The following PAFAH1B1 variants were observed in gnomAD, a reference collection of about 807,000 sequenced individuals.
PAFAH1B1 encodes the protein platelet activating factor acetylhydrolase 1b regulatory subunit 1.
Under a neutral mutation model 57.5 loss-of-function variants are expected in PAFAH1B1, and 2 were observed. That is an observed-to-expected ratio of 0.03 (90% CI 0.01 to 0.11). PAFAH1B1 has a LOEUF of 0.11. Among genes scored for constraint, PAFAH1B1 ranks in the 10% least tolerant of loss-of-function variants. PAFAH1B1 has a pLI of 1.00. For missense variants in PAFAH1B1, 257 were observed against 512.0 expected (o/e 0.50, Z 4.81); for synonymous variants, 152 against 169.6 (o/e 0.90, Z 0.81).
chr17:2,670,744 GT>G (rs2069170538), intron 6 of PAFAH1B1, among the ~76,000 whole-genome samples: 1 of 152,132 alleles, frequency 6.6e-6, no homozygotes, highest in Non-Finnish European at 1.5e-5. Flanking sequence ...CCATGCCCTC[GT>G]TCATTATTTC....
At chr17:2,677,254 C>G (rs1212484783) in intron 9 of PAFAH1B1, among the ~76,000 whole-genome samples, 1 of 152,204 alleles carries the variant, frequency 6.6e-6, no homozygotes, top group African/African-American at 2.4e-5. Context: ...CTCTGTTTCA[C>G]TTTATTTATA....
chr17:2,664,768 A>G (rs980214279), intron 2 of PAFAH1B1, among the ~76,000 whole-genome samples: 1 of 151,864 alleles, frequency 6.6e-6, no homozygotes, highest in African/African-American at 2.4e-5. Context: ...AAACTGTAGA[A>G]GGCAAACATG....
At chr17:2,646,887 A>G (rs1303478688) in intron 2 of PAFAH1B1, among the ~76,000 whole-genome samples, 2 of 152,140 alleles carry the variant, frequency 1.3e-5, no homozygotes, top group Non-Finnish European at 2.9e-5. Context: ...CGGGACATAA[A>G]GGTAGTAAAT....
intron 1 of PAFAH1B1, among the ~76,000 whole-genome samples, chr17:2,600,463 G>C (rs1167588578): frequency 6.6e-6 from 1 of 150,884 alleles, no homozygotes; most frequent in Admixed American, 6.6e-5. Context: ...CCAGCTACTT[G>C]GGAGGCTGAG....
chr17:2,615,595 C>T (rs1211910677), intron 1 of PAFAH1B1, among the ~76,000 whole-genome samples: 3 of 152,104 alleles, frequency 2.0e-5, no homozygotes, highest in South Asian at 2.1e-4. Flanking sequence ...GGCCTGCCAC[C>T]GCGCCTGGCT....
At chr17:2,644,312 C>T (rs1179374754) in intron 2 of PAFAH1B1, among the ~76,000 whole-genome samples, 3 of 152,002 alleles carry the variant, frequency 2.0e-5, no homozygotes, top group African/African-American at 4.8e-5. Context: ...GAGGCCGAGA[C>T]GGGTGCATGA....
chr17:2,632,387 A>T (rs1001251513), intron 1 of PAFAH1B1, among the ~76,000 whole-genome samples: 1 of 152,206 alleles, frequency 6.6e-6, no homozygotes, highest in Non-Finnish European at 1.5e-5. Context: ...TCTAGATCTA[A>T]ATTAAGTCTA....
At chr17:2,657,436 G>C (rs1567550469) in intron 2 of PAFAH1B1, among the ~76,000 whole-genome samples, 1 of 152,228 alleles carries the variant, frequency 6.6e-6, no homozygotes, top group Non-Finnish European at 1.5e-5. Flanking sequence ...TAGAGCTGAG[G>C]TTTCACCATG....
At chr17:2,604,446 G>T (rs1312305632) in intron 1 of PAFAH1B1, among the ~76,000 whole-genome samples, 1 of 151,536 alleles carries the variant, frequency 6.6e-6, no homozygotes, top group African/African-American at 2.4e-5. Context: ...TGTCATTTAG[G>T]CTATTTCAGG....
rs576900864 is a variant in PAFAH1B1 at position 2,635,760 on chromosome 17, G to T, written c.-190-2339G>T. 1.9e-3 allele frequency among the ~76,000 whole-genome samples: 293 copies of T among 151,882 alleles called. 3 individuals carry two copies. Among genetic ancestry groups the T allele is most frequent in the African/African-American group, 6.2e-3 (255 of 41,396 alleles). On this transcript the variant is annotated intron_variant, in intron 1 of 10. Transcript: ENST00000397195. ...CTGTAATATACATAATATAGTGGGGGTTTTTTTCTGATTAAAGCAGGGAGT... is the reference window on the plus strand; with the variant it reads ...CTGTAATATACATAATATAGTGGGGTTTTTTTTCTGATTAAAGCAGGGAGT...
intron 1 of PAFAH1B1, among the ~76,000 whole-genome samples, chr17:2,615,555 C>A (rs78539547): frequency 0.083 from 12,602 of 152,060 alleles, 1,391 homozygotes; most frequent in African/African-American, 0.25. Context: ...ATTCTCCTGC[C>A]TTAGCCTCCC....
chr17:2,618,358 A>ATG (rs1339144368), intron 1 of PAFAH1B1, among the ~76,000 whole-genome samples: 1 of 152,206 alleles, frequency 6.6e-6, no homozygotes, highest in Non-Finnish European at 1.5e-5. Flanking sequence ...CAAGAACATG[A>ATG]AGTTAATCTT....
intron 4 of PAFAH1B1, 143 bp downstream of exon 4, chr17:2,666,233 A>G (rs1484681764): frequency 2.4e-6 from 2 of 830,848 alleles, no homozygotes; most frequent in African/African-American, 1.7e-5. Flanking sequence ...CATGAAAAGT[A>G]TGACCTAGGC....
At chr17:2,595,478 A>C (rs965458986) in intron 1 of PAFAH1B1, among the ~76,000 whole-genome samples, 1 of 146,408 alleles carries the variant, frequency 6.8e-6, no homozygotes, top group Non-Finnish European at 1.5e-5. Flanking sequence ...GTCCAGTCTC[A>C]TAATCAGGAA....
intron 2 of PAFAH1B1, among the ~76,000 whole-genome samples, chr17:2,656,493 A>T (rs1417716821): frequency 6.6e-6 from 1 of 151,938 alleles, no homozygotes; most frequent in African/African-American, 2.4e-5. Context: ...GGACAAGTAA[A>T]TGATTCATCA....
rs745345800 is a variant in PAFAH1B1 at position 2,666,001 on chromosome 17, A to T, written c.118-15A>T. The T allele has an allele frequency of 2.7e-6, 4 of 1,474,744 alleles. No individual in the cohort carries two copies. In the South Asian group the frequency reaches 4.9e-5, roughly 18 times the overall value. 91.4% of individuals were successfully genotyped at this position (1,474,744 alleles called of 1,614,324 possible). A position where few individuals can be genotyped will look rare whatever the true frequency, so the allele number is the denominator to read the frequency against. On this transcript the variant is annotated splice_polypyrimidine_tract_variant and intron_variant, in intron 3 of 10. Transcript: ENST00000397195. The stretch of plus-strand genomic sequence containing the variant: ...TTAAGCCATTTTTTAAAAATTCTAA[A>T]TTTATTTTCTCTAGAATGAAGAATT...
chr17:2,624,298 C>T lies in PAFAH1B1; in HGVS notation c.-190-13801C>T, dbSNP rs1418069560. ...TGAGCCCTCCAAACTGTTCCAAACT[C>T]TGCCTGTTACCCACTTCCAAAGTCA... On this transcript the variant is annotated intron_variant, in intron 1 of 10. Coordinates refer to ENST00000397195, the MANE Select transcript of PAFAH1B1 (RefSeq NM_000430.4). Among the ~76,000 whole-genome samples, 5 of 152,330 alleles carry T rather than the reference C, an allele frequency of 3.3e-5. No individual in the cohort carries two copies. The East Asian group carries it at 9.7e-4, about 29-fold the overall frequency.
At chr17:2,644,634 G>C (rs540914577) in intron 2 of PAFAH1B1, among the ~76,000 whole-genome samples, 1 of 152,160 alleles carries the variant, frequency 6.6e-6, no homozygotes, top group Non-Finnish European at 1.5e-5. Context: ...CCCGTGTTTG[G>C]TATATTTAGG....
chr17:2,664,921 A>G (rs934069913), intron 2 of PAFAH1B1, among the ~76,000 whole-genome samples: 1 of 152,142 alleles, frequency 6.6e-6, no homozygotes, highest in African/African-American at 2.4e-5. Flanking sequence ...ATATGAAAAT[A>G]CTTTAGTTTT....
Sources: allele counts gnomAD v4.1 joint callset (sites outside exome capture counted in the v4.1 genomes callset), GRCh38; gene constraint gnomAD v4.1.1; transcripts MANE v1.5; gene names NCBI Gene and HGNC (gene_info 2026-07-23, HGNC 2026-07-21).